TMEFF2: variants seen among roughly 807,000 people sequenced by gnomAD.
TMEFF2 encodes tomoregulin-2.
TMEFF2 carries 28 observed loss-of-function variants against 53.8 expected under a neutral mutation model. That is an observed-to-expected ratio of 0.52 (90% CI 0.39 to 0.71). The LOEUF (loss-of-function observed/expected upper bound fraction) is 0.71. TMEFF2 is among the 30% of genes least tolerant of loss of function. TMEFF2 has a pLI of 0.00. For synonymous variants in TMEFF2, 162 were observed against 166.3 expected (o/e 0.97, Z 0.20); for missense variants, 353 against 455.2 (o/e 0.78, Z 2.04).
intron 5 of TMEFF2, among the ~76,000 whole-genome samples, chr2:192,047,857 A>G (rs1687661747): frequency 6.6e-6 from 1 of 152,214 alleles, no homozygotes; most frequent in South Asian, 2.1e-4. Flanking sequence ...ACTGATTTGT[A>G]GTTTAGATGA....
chr2:192,140,918 G>T (rs1361286447), intron 4 of TMEFF2, among the ~76,000 whole-genome samples: 1 of 152,130 alleles, frequency 6.6e-6, no homozygotes, highest in Non-Finnish European at 1.5e-5. Context: ...TATAGTTTCT[G>T]CCAAGTTAAT....
At chr2:192,051,051 G>A (rs1435191681) in intron 5 of TMEFF2, among the ~76,000 whole-genome samples, 2 of 151,984 alleles carry the variant, frequency 1.3e-5, no homozygotes, top group Non-Finnish European at 2.9e-5. Context: ...AACAGAAAAC[G>A]CTACTGCAGC....
At chr2:192,090,819 T>A (rs1688773469) in intron 4 of TMEFF2, among the ~76,000 whole-genome samples, 1 of 152,152 alleles carries the variant, frequency 6.6e-6, no homozygotes, top group Non-Finnish European at 1.5e-5. Context: ...ACAGAGCAGG[T>A]ATGATGGCCC....
chr2:192,169,178 T>G (rs965640807), intron 4 of TMEFF2, among the ~76,000 whole-genome samples: 2 of 152,134 alleles, frequency 1.3e-5, no homozygotes, highest in Non-Finnish European at 2.9e-5. Flanking sequence ...TGAATCAGAC[T>G]GATGATACAA....
chr2:191,958,320 C>T (rs946704118), intron 7 of TMEFF2, among the ~76,000 whole-genome samples: 3 of 152,202 alleles, frequency 2.0e-5, no homozygotes, highest in Non-Finnish European at 4.4e-5. Flanking sequence ...CCCCTCAGTG[C>T]TTCTGAACAC....
intron 5 of TMEFF2, among the ~76,000 whole-genome samples, chr2:192,014,294 T>A (rs1463261760): frequency 1.3e-5 from 2 of 152,196 alleles, no homozygotes. Context: ...CCCCAGAGTT[T>A]GAGAGCCCTA....
intron 4 of TMEFF2, among the ~76,000 whole-genome samples, chr2:192,104,870 T>C (rs1689109155): frequency 6.6e-6 from 1 of 152,064 alleles, no homozygotes; most frequent in South Asian, 2.1e-4. Context: ...AGTTTAATTC[T>C]ATATTTGTGT....
At chr2:191,969,219 A>G (rs10198482) in intron 7 of TMEFF2, among the ~76,000 whole-genome samples, 7,752 of 152,106 alleles carry the variant, frequency 0.051, 643 homozygotes, top group African/African-American at 0.18. Flanking sequence ...TGTTCAATAT[A>G]TAGAATGAAT....
chr2:191,976,015 T>C lies in TMEFF2; in HGVS notation c.746-19637A>G, dbSNP rs372055064. Among the ~76,000 whole-genome samples, 31 of 152,344 alleles carry C rather than the reference T, an allele frequency of 2.0e-4. 2 individuals carry two copies. Among genetic ancestry groups the C allele is most frequent in the Admixed American group, 1.8e-3 (28 of 15,304 alleles). On this transcript the variant is annotated intron_variant, in intron 7 of 9. Coordinates refer to ENST00000272771, the MANE Select transcript of TMEFF2 (RefSeq NM_016192.4). The stretch of plus-strand genomic sequence containing the variant: ...AGTGTTTTCTAAAGGATTCTGAACA[T>C]AAGGTATGTTTGCTGTTTGTCTCAC...
At chr2:192,009,195 T>C (rs1453854955) in intron 5 of TMEFF2, among the ~76,000 whole-genome samples, 2 of 152,198 alleles carry the variant, frequency 1.3e-5, no homozygotes, top group Non-Finnish European at 2.9e-5. Context: ...CTTTTGTATT[T>C]TCCTTTGGTC....
intron 2 of TMEFF2, among the ~76,000 whole-genome samples, chr2:192,185,150 T>C (rs1240326618): frequency 6.6e-6 from 1 of 152,074 alleles, no homozygotes; most frequent in Non-Finnish European, 1.5e-5. Context: ...TACCGACTAT[T>C]CCAAAGTATG....
chr2:192,134,221 C>T (rs531675656), intron 4 of TMEFF2, among the ~76,000 whole-genome samples: 9 of 152,022 alleles, frequency 5.9e-5, no homozygotes, highest in Non-Finnish European at 1.0e-4. Context: ...ACTCACTCTT[C>T]GTTAAGTCCC....
At chr2:192,188,118 A>C (rs146973781) in intron 2 of TMEFF2, among the ~76,000 whole-genome samples, 1 of 152,318 alleles carries the variant, frequency 6.6e-6, no homozygotes, top group African/African-American at 2.4e-5. Flanking sequence ...AAAAATCTGC[A>C]TATGTTCCAA....
intron 4 of TMEFF2, among the ~76,000 whole-genome samples, chr2:192,066,643 G>A (rs1208419848): frequency 6.6e-6 from 1 of 151,632 alleles, no homozygotes; most frequent in Non-Finnish European, 1.5e-5. Flanking sequence ...CTATGTTGAG[G>A]GACAATTCTA....
At chr2:192,013,347 A>G (rs1686674377) in intron 5 of TMEFF2, among the ~76,000 whole-genome samples, 2 of 152,092 alleles carry the variant, frequency 1.3e-5, no homozygotes, top group South Asian at 4.1e-4. Context: ...GGAATGTCCT[A>G]ATCTCAGATA....
intron 4 of TMEFF2, among the ~76,000 whole-genome samples, chr2:192,099,073 A>C (rs1341972781): frequency 6.6e-6 from 1 of 152,150 alleles, no homozygotes; most frequent in Non-Finnish European, 1.5e-5. Context: ...GGACACCCAT[A>C]CTGAGGGAAC....
At chr2:192,123,445 A>C (rs1277766368) in intron 4 of TMEFF2, among the ~76,000 whole-genome samples, 2 of 152,216 alleles carry the variant, frequency 1.3e-5, no homozygotes, top group East Asian at 3.8e-4. Flanking sequence ...TGAAGTTAAA[A>C]ATATGATTTG....
At chr2:192,166,944 G>C (rs945091545) in intron 4 of TMEFF2, among the ~76,000 whole-genome samples, 3 of 152,120 alleles carry the variant, frequency 2.0e-5, no homozygotes, top group Admixed American at 6.6e-5. Flanking sequence ...AAGCTTTTCA[G>C]TGCTAAAATC....
At chr2:192,190,334 C>A (rs1339659191) in intron 2 of TMEFF2, among the ~76,000 whole-genome samples, 1 of 151,640 alleles carries the variant, frequency 6.6e-6, no homozygotes, top group Non-Finnish European at 1.5e-5. Context: ...GAAAATAAGA[C>A]AAATTTATGG....
Sources: allele counts gnomAD v4.1 joint callset (sites outside exome capture counted in the v4.1 genomes callset), GRCh38; gene constraint gnomAD v4.1.1; transcripts MANE v1.5; gene names NCBI Gene and HGNC (gene_info 2026-07-23, HGNC 2026-07-21).